The following SMG5 variants were observed in gnomAD, a reference collection of about 807,000 sequenced individuals.
SMG5 encodes nonsense-mediated mRNA decay factor SMG5.
SMG5 carries 53 observed loss-of-function variants against 122.9 expected under a neutral mutation model. The observed-to-expected ratio is 0.43, with a 90% CI of 0.35 to 0.54. The LOEUF is 0.54. Among genes scored for constraint, SMG5 ranks in the 20% least tolerant of loss-of-function variants. SMG5 has a pLI of 0.01. For missense variants in SMG5, 1,153 were observed against 1,285.6 expected, an observed-to-expected ratio of 0.90 and a Z score of 1.58; for synonymous variants, 477 against 490.2, an observed-to-expected ratio of 0.97 and a Z score of 0.35.
At chr1:156,281,772 C>A (rs561039493) in intron 1 of SMG5, among the ~76,000 whole-genome samples, 1 of 152,310 alleles carries the variant, frequency 6.6e-6, no homozygotes, top group East Asian at 1.9e-4. Flanking sequence ...AGTTGCGGAG[C>A]CCATGTTCCA....
intron 5 of SMG5, among the ~76,000 whole-genome samples, chr1:156,273,706 T>C (rs935747735): frequency 2.0e-5 from 3 of 149,152 alleles, no homozygotes; most frequent in African/African-American, 7.3e-5. Flanking sequence ...TCTTCTTTTT[T>C]TGTTTTGTTT....
At chr1:156,275,250 A>C (rs981191794) in intron 4 of SMG5, among the ~76,000 whole-genome samples, 6 of 152,182 alleles carry the variant, frequency 3.9e-5, no homozygotes, top group African/African-American at 1.4e-4. Context: ...CAGAGAAGGC[A>C]GCCTACTGGA....
At chr1:156,263,194 C>T (rs868081967) in intron 13 of SMG5, among the ~76,000 whole-genome samples, 3 of 152,372 alleles carry the variant, frequency 2.0e-5, no homozygotes, top group Middle Eastern at 6.8e-3. Flanking sequence ...TAATTGTTCC[C>T]TGGCCACAGG....
At chr1:156,285,229 GACAGA>G (rs963157195), upstream of SMG5, 3 of 1,528,230 alleles carry the variant, frequency 2.0e-6, no homozygotes, top group African/African-American at 4.2e-5. Flanking sequence ...GCCCCAGGAT[GACAGA>G]ACAGGAGACC....
intron 3 of SMG5, 52 bp from the exon 4 acceptor site, chr1:156,277,293 A>G (rs780018061): frequency 5.7e-6 from 9 of 1,573,786 alleles, no homozygotes; most frequent in Non-Finnish European, 7.8e-6. Context: ...TCAGAGTCGC[A>G]CTCACCCTCC....
At chr1:156,285,468 G>A, upstream of SMG5, 1 of 1,614,090 alleles carries the variant, frequency 6.2e-7, no homozygotes, top group East Asian at 2.2e-5. Context: ...TGGGGGACTG[G>A]CCCTCAGCCC....
At chr1:156,263,670 T>C (rs1191392084) in intron 12 of SMG5, 100 bp from the exon 13 acceptor site, 5 of 1,327,700 alleles carry the variant, frequency 3.8e-6, no homozygotes, top group Admixed American at 5.2e-5. Context: ...CCACCTGGCC[T>C]GGGCCCTTCC....
At chr1:156,256,842 A>C (rs994439814) in intron 16 of SMG5, among the ~76,000 whole-genome samples, 1 of 152,134 alleles carries the variant, frequency 6.6e-6, no homozygotes, top group Non-Finnish European at 1.5e-5. Context: ...TAGTGTGTCC[A>C]ACTCCAGAGC....
intron 13 of SMG5, among the ~76,000 whole-genome samples, chr1:156,262,581 G>A (rs1340296148): frequency 2.0e-5 from 3 of 151,458 alleles, no homozygotes; most frequent in South Asian, 2.1e-4. Context: ...GCTTCTCTAC[G>A]TCTAGCAGTA....
rs148723389 is a variant in SMG5 at position 156,259,087 on chromosome 1, T to C, written c.2360A>G (p.Asn787Ser). Residue 787 changes from asparagine to serine, a missense_variant, in exon 16 of 22, where the codon AAC becomes AGC. By Grantham distance (46) the Asn-to-Ser change is conservative. Transcript: ENST00000361813. The stretch of plus-strand genomic sequence containing the variant: ...GCTGACGAAGATGCCAACCTCTGGG[T>C]TGAACTGCAGGATGCTGCCTTGCAG... ...ARLQGSILQFNPEVGIFVSIA... is the reference protein window; with the variant it reads ...ARLQGSILQFSPEVGIFVSIA... The C allele has an allele frequency of 4.3e-6, 7 of 1,612,298 alleles. No homozygotes were observed. The highest frequency in any genetic ancestry group is 4.5e-5 in the East Asian group (2 of 44,856).
rs1663018803 is a variant in SMG5 at position 156,282,720 on chromosome 1, T to G, written c.-40A>C. The G allele has an allele frequency of 6.4e-7, 1 of 1,563,898 alleles. No homozygotes were observed. Among genetic ancestry groups the G allele is most frequent in the African/African-American group, 1.3e-5 (1 of 74,232 alleles). On this transcript the variant is annotated 5_prime_UTR_variant, in exon 1 of 22. Transcript: ENST00000361813. ...GGGGCAGCTCCCGGTCACAGGCCCC[T>G]GCCACCCACCACTACCGCCAACACT...
the SMG5 span, chr1:156,290,197 T>C: frequency 6.6e-6 from 1 of 152,208 alleles, no homozygotes; most frequent in African/African-American, 2.4e-5. Context: ...TATGCTGCCA[T>C]ACTTCAGAAA....
chr1:156,258,004 G>T (rs1253871929), intron 16 of SMG5, among the ~76,000 whole-genome samples: 1 of 152,234 alleles, frequency 6.6e-6, no homozygotes, highest in Non-Finnish European at 1.5e-5. Flanking sequence ...ACAAGAGAAA[G>T]GACTGTCTTG....
intron 15 of SMG5, among the ~76,000 whole-genome samples, chr1:156,259,465 T>A (rs909406083): frequency 3.4e-4 from 51 of 152,140 alleles, no homozygotes; most frequent in African/African-American, 1.2e-3. Flanking sequence ...GAGACCTGGG[T>A]TCTAATACCA....
rs553158665 is a variant in SMG5, at chr1:156,260,342, T to C, written c.2283+109A>G. ...CCTGTAGCCCCAAGGACACTGTCCC[T>C]GTCTGAGTGGAAGAGGGCATCCTGC... On this transcript the variant is annotated intron_variant, in intron 15 of 21. Transcript: ENST00000361813. The C allele has an allele frequency of 6.9e-6, 9 of 1,298,668 alleles. No homozygotes were observed. In the African/African-American group the frequency reaches 1.1e-4, roughly 16 times the overall value. The allele number at this position is 1,298,668 out of a possible 1,614,324, so 80.4% of individuals were successfully genotyped here.
intron 6 of SMG5, among the ~76,000 whole-genome samples, chr1:156,273,070 T>A (rs979982158): frequency 2.6e-5 from 4 of 152,208 alleles, no homozygotes; most frequent in African/African-American, 7.2e-5. Context: ...TTATGCTTTA[T>A]CTCATTGTGC....
intron 7 of SMG5, among the ~76,000 whole-genome samples, chr1:156,269,162 G>T (rs140894208): frequency 5.7e-4 from 86 of 151,982 alleles, no homozygotes; most frequent in Non-Finnish European, 1.1e-3. Context: ...TAGAGACGGG[G>T]TTTCACCATG....
chr1:156,253,606 C>T (rs1661452954), intron 16 of SMG5, 98 bp from the exon 17 acceptor site: 2 of 1,117,570 alleles, frequency 1.8e-6, no homozygotes, highest in Non-Finnish European at 2.7e-6. Flanking sequence ...TCAGTGTGAC[C>T]TCATGCAAAG....
upstream of SMG5, chr1:156,286,409 A>G: frequency 6.2e-7 from 1 of 1,614,062 alleles, no homozygotes; most frequent in Middle Eastern, 1.6e-4. Flanking sequence ...CGTGCTTTCC[A>G]CTTACCTGCC....
Sources: allele counts gnomAD v4.1 joint callset (sites outside exome capture counted in the v4.1 genomes callset), GRCh38; gene constraint gnomAD v4.1.1; transcripts MANE v1.5; gene names NCBI Gene and HGNC (gene_info 2026-07-23, HGNC 2026-07-21).